Variants in ENOX1 observed in about 807,000 individuals in gnomAD.
ENOX1 encodes ecto-NOX disulfide-thiol exchanger 1, also known as candidate growth-related and time keeping constitutive hydroquinone (NADH) oxidase.
ENOX1 carries 42 observed loss-of-function variants against 82.5 expected under a neutral mutation model. That is an observed-to-expected ratio of 0.51 (90% CI 0.40 to 0.66). The LOEUF is 0.66. ENOX1 is among the 30% of genes least tolerant of loss of function. ENOX1 has a pLI of 0.00. For missense variants in ENOX1, 608 were observed against 811.6 expected (o/e 0.75, Z 3.05); for synonymous variants, 271 against 282.2 (o/e 0.96, Z 0.40).
intron 2 of ENOX1, among the ~76,000 whole-genome samples, chr13:43,554,164 A>C (rs1386370698): frequency 6.6e-6 from 1 of 152,200 alleles, no homozygotes; most frequent in African/African-American, 2.4e-5. Flanking sequence ...AAAATTCCAT[A>C]ATCTTTGGAG....
At chr13:43,568,110 G>C (rs919485839) in intron 2 of ENOX1, among the ~76,000 whole-genome samples, 1 of 152,172 alleles carries the variant, frequency 6.6e-6, no homozygotes, top group African/African-American at 2.4e-5. Flanking sequence ...TTGTGATAGA[G>C]TAATACTTTT....
At chr13:43,266,430 C>T (rs1448752094) in intron 13 of ENOX1, among the ~76,000 whole-genome samples, 1 of 152,032 alleles carries the variant, frequency 6.6e-6, no homozygotes, top group Non-Finnish European at 1.5e-5. Context: ...GTCTTAAACT[C>T]CCAGCAAAAA....
intron 15 of ENOX1, among the ~76,000 whole-genome samples, chr13:43,234,120 G>A (rs371301342): frequency 6.6e-6 from 1 of 152,152 alleles, no homozygotes; most frequent in African/African-American, 2.4e-5. Flanking sequence ...CAAGATTCAG[G>A]TATCTACAAA....
At chr13:43,770,678 C>T (rs916620940) in intron 1 of ENOX1, among the ~76,000 whole-genome samples, 5 of 128,462 alleles carry the variant, frequency 3.9e-5, no homozygotes, top group East Asian at 2.2e-4. Flanking sequence ...ATATAGTATA[C>T]GTATGTGTAC....
At chr13:43,460,543 G>A (rs2057421178) in intron 3 of ENOX1, among the ~76,000 whole-genome samples, 2 of 152,100 alleles carry the variant, frequency 1.3e-5, no homozygotes, top group Admixed American at 1.3e-4. Context: ...GCTCACGCCT[G>A]TAATCCTAGC....
At chr13:43,656,887 C>A (rs2084461791) in intron 2 of ENOX1, among the ~76,000 whole-genome samples, 1 of 152,164 alleles carries the variant, frequency 6.6e-6, no homozygotes. Context: ...GTTAAAGGGA[C>A]AACAGGAAAA....
At chr13:43,717,419 G>C (rs2088225562) in intron 1 of ENOX1, among the ~76,000 whole-genome samples, 1 of 152,110 alleles carries the variant, frequency 6.6e-6, no homozygotes, top group South Asian at 2.1e-4. Flanking sequence ...TTAAATTTAA[G>C]ACCTCAAATT....
chr13:43,428,748 T>C (rs958783932), intron 3 of ENOX1, among the ~76,000 whole-genome samples: 1 of 152,194 alleles, frequency 6.6e-6, no homozygotes, highest in Non-Finnish European at 1.5e-5. Context: ...TTCTCCTTTC[T>C]ACCTGTCATT....
chr13:43,543,397 T>C lies in ENOX1; in HGVS notation c.-218-59245A>G, dbSNP rs575657388. Among the ~76,000 whole-genome samples, 29 of 152,314 alleles carry C rather than the reference T, an allele frequency of 1.9e-4. No homozygotes were observed. The South Asian group carries it at 5.8e-3, about 30-fold the overall frequency. ...TGTATGTAATAGAGGTAACATTTCA[T>C]GAAATATTTTGTTTCACATATAGAT... On this transcript the variant is annotated intron_variant, in intron 2 of 16. Coordinates refer to ENST00000690772, the MANE Select transcript of ENOX1 (RefSeq NM_001347969.2).
chr13:43,532,293 A>T (rs9594970), intron 2 of ENOX1, among the ~76,000 whole-genome samples: 2 of 151,940 alleles, frequency 1.3e-5, no homozygotes, highest in African/African-American at 4.8e-5. Context: ...GTTAATAACA[A>T]TTCTGTTCCT....
At chr13:43,252,893 C>G (rs139116136) in intron 14 of ENOX1, among the ~76,000 whole-genome samples, 43 of 152,276 alleles carry the variant, frequency 2.8e-4, no homozygotes, top group African/African-American at 1.0e-3. Flanking sequence ...AAGGGGGGAT[C>G]TCCATCAGAG....
intron 11 of ENOX1, among the ~76,000 whole-genome samples, chr13:43,320,231 T>A (rs192430516): frequency 1.3e-5 from 2 of 152,322 alleles, no homozygotes; most frequent in Non-Finnish European, 1.5e-5. Context: ...ACATGCCACA[T>A]TCTCTGGTCC....
At chr13:43,436,698 T>C (rs2153618211) in intron 3 of ENOX1, among the ~76,000 whole-genome samples, 1 of 152,274 alleles carries the variant, frequency 6.6e-6, no homozygotes, top group South Asian at 2.1e-4. Context: ...CATAATATTA[T>C]GTGAGGATAG....
At chr13:43,464,975 T>C (rs1336831657) in intron 3 of ENOX1, among the ~76,000 whole-genome samples, 1 of 152,168 alleles carries the variant, frequency 6.6e-6, no homozygotes, top group African/African-American at 2.4e-5. Flanking sequence ...TTTGGCTGAT[T>C]AGGGTTATTG....
At chr13:43,261,503 T>C (rs1300313233) in intron 14 of ENOX1, among the ~76,000 whole-genome samples, 1 of 152,222 alleles carries the variant, frequency 6.6e-6, no homozygotes, top group Admixed American at 6.5e-5. Context: ...GGAAGTTAAA[T>C]GCCTGACACA....
At chr13:43,639,837 T>C (rs1437410660) in intron 2 of ENOX1, among the ~76,000 whole-genome samples, 5 of 152,186 alleles carry the variant, frequency 3.3e-5, no homozygotes, top group African/African-American at 1.2e-4. Flanking sequence ...GAGATTATCC[T>C]GGCCAACATG....
intron 15 of ENOX1, among the ~76,000 whole-genome samples, chr13:43,231,008 G>C (rs1181470678): frequency 1.3e-5 from 2 of 152,096 alleles, no homozygotes; most frequent in African/African-American, 4.8e-5. Context: ...GCTGAGATTT[G>C]CTTTCTCTAC....
chr13:43,631,375 C>A (rs141218440), intron 2 of ENOX1, among the ~76,000 whole-genome samples: 210 of 152,296 alleles, frequency 1.4e-3, no homozygotes, highest in African/African-American at 5.0e-3. Flanking sequence ...TCTGGCAAGA[C>A]ACTGTTGAGG....
intron 5 of ENOX1, among the ~76,000 whole-genome samples, chr13:43,409,486 C>G (rs1052321591): frequency 6.6e-6 from 1 of 151,938 alleles, no homozygotes; most frequent in Non-Finnish European, 1.5e-5. Context: ...GTATGCTTAC[C>G]ATATGGAGGT....
Sources: gnomAD v4.1 joint callset for allele counts (sites outside exome capture counted in the v4.1 genomes callset) on GRCh38, gnomAD v4.1.1 for gene constraint, MANE v1.5 for transcripts, NCBI Gene and HGNC (gene_info 2026-07-23, HGNC 2026-07-21) for gene names.